LILRA1: variants seen among roughly 807,000 people sequenced by gnomAD.
The protein encoded by LILRA1 is leukocyte immunoglobulin-like receptor subfamily A member 1.
A neutral mutation model predicts 51.6 loss-of-function variants in LILRA1; 51 were observed. The observed-to-expected ratio is 0.99, with a 90% confidence interval of 0.79 to 1.25. The LOEUF (loss-of-function observed/expected upper bound fraction) is 1.25, where lower values mean the gene tolerates loss of function less well. LILRA1 is among the 50% of genes most tolerant of loss of function. The pLI is 0.00. For synonymous variants in LILRA1, 305 were observed against 248.4 expected (o/e 1.23, Z -2.14); for missense variants, 660 against 611.7 (o/e 1.08, Z -0.83).
At chr19:54,600,616 A>T in intron 9 of LILRA1, 66 bp downstream of exon 9, 1 of 1,611,980 alleles carries the variant, frequency 6.2e-7, no homozygotes, top group Non-Finnish European at 8.5e-7. Context: ...AAGGGTAAGG[A>T]GGTGCTCTGG....
Position 54,599,336 on chromosome 19 carries a change from T to G in LILRA1, c.1312+50T>G, listed in dbSNP as rs776413067. 9.1e-6 allele frequency: 14 copies of G among 1,530,450 alleles called. No individual in the cohort carries two copies. In the East Asian group the frequency reaches 3.6e-4, roughly 39 times the overall value. The allele number at this position is 1,530,450 out of a possible 1,614,324, so 94.8% of individuals were successfully genotyped here. ...ATGACGCTGGGCACAGAGGGTCAGG[T>G]CCTGTCAAGGGGAGCTGGGTGTCCT... On this transcript the variant is annotated intron_variant, in intron 8 of 9. Coordinates refer to ENST00000251372, the MANE Select transcript of LILRA1 (RefSeq NM_006863.4).
intron 7 of LILRA1, among the ~76,000 whole-genome samples, chr19:54,597,073 C>T (rs2063074923): frequency 6.6e-6 from 1 of 152,218 alleles, no homozygotes; most frequent in Non-Finnish European, 1.5e-5. Context: ...AAGACAGAGG[C>T]CCCACCTGCT....
chr19:54,593,781 G>A lies in LILRA1; in HGVS notation c.-49G>A, dbSNP rs1402848487. The A allele has an allele frequency of 1.1e-5, 13 of 1,170,794 alleles. No homozygotes were observed. The highest frequency in any genetic ancestry group is 1.5e-5 in the Non-Finnish European group (13 of 860,542). The allele number at this position is 1,170,794 out of a possible 1,614,324, so 72.5% of individuals were successfully genotyped here. A position where few individuals can be genotyped will look rare whatever the true frequency, so the allele number is the denominator to read the frequency against. ...CCAGGGCTGGAGGGACGACTGCCAT[G>A]GTAAGGACCCCACAACGCTGAGCTG... On this transcript the variant is annotated splice_region_variant and 5_prime_UTR_variant, in exon 1 of 10. An upstream start codon of the reference 5' UTR is lost. Coordinates refer to ENST00000251372, the MANE Select transcript of LILRA1 (RefSeq NM_006863.4).
At position 54,594,179 on chromosome 19, in the gene LILRA1, G is replaced by A. The variant is rs1287820131; in HGVS notation, c.-48-18G>A. ...AGGAGGGGAGGCTATTTCTCTCTGTGTGTCTCTGTCCTGCCAGCACCGAGG... is the reference window on the plus strand; with the variant it reads ...AGGAGGGGAGGCTATTTCTCTCTGTATGTCTCTGTCCTGCCAGCACCGAGG... On this transcript the variant is annotated intron_variant, in intron 1 of 9. Transcript: ENST00000251372. 8 of 1,608,746 alleles carry A rather than the reference G, an allele frequency of 5.0e-6. No individual in the cohort carries two copies. Among genetic ancestry groups the A allele is most frequent in the Non-Finnish European group, 6.8e-6 (8 of 1,177,042 alleles).
intron 7 of LILRA1, 66 bp from the exon 8 acceptor site, chr19:54,599,170 C>A: frequency 6.9e-7 from 1 of 1,442,492 alleles, no homozygotes. Flanking sequence ...TATACATAAT[C>A]TTATATAGAA....
chr19:54,595,793 G>T lies in LILRA1; in HGVS notation c.816G>T (p.Gln272His). The change falls in exon 6 of 10, where the codon CAG (glutamine) becomes CAT (histidine). Residue 272 changes from glutamine (Q) to histidine (H), a missense_variant. Coordinates refer to ENST00000251372, the MANE Select transcript of LILRA1 (RefSeq NM_006863.4). ...ERDFLQLPGP[Q>H]PQAGLSQANF... The stretch of plus-strand genomic sequence containing the variant: ...ACTTCCTCCAGCTCCCTGGCCCACA[G>T]CCCCAGGCTGGGCTCTCCCAGGCCA... 6.2e-7 allele frequency: 1 copy of T among 1,614,194 alleles called. No homozygotes were observed. Among genetic ancestry groups the T allele is most frequent in the South Asian group, 1.1e-5 (1 of 91,090 alleles).
chr19:54,595,419 A>C lies in LILRA1; in HGVS notation c.661+17A>C, dbSNP rs1324458049. The C allele has an allele frequency of 5.0e-6, 8 of 1,596,122 alleles. No individual in the cohort carries two copies. Among genetic ancestry groups the C allele is most frequent in the Non-Finnish European group, 6.0e-6 (7 of 1,170,404 alleles). ...TGGTCCTAGGTGAGAAATTCACAGC[A>C]TTGCCTGGAGTTCCCTGAGTCTCCC... On this transcript the variant is annotated intron_variant, in intron 5 of 9. Coordinates refer to ENST00000251372, the MANE Select transcript of LILRA1 (RefSeq NM_006863.4).
In LILRA1 at chr19:54,600,933, A is replaced by T; in HGVS notation, c.*116A>T. 8.9e-7 allele frequency: 1 copy of T among 1,123,340 alleles called. No homozygotes were observed. Among genetic ancestry groups the T allele is most frequent in the Non-Finnish European group, 1.3e-6 (1 of 741,550 alleles). 69.6% of individuals were successfully genotyped at this position (1,123,340 alleles called of 1,614,324 possible). On this transcript the variant is annotated 3_prime_UTR_variant, in exon 10 of 10. Transcript: ENST00000251372. ...CGGGAGACAATTTAGGGCTGATGCTATCTGGACTGTCTGCCAATCATTTTT... is the reference window on the plus strand; with the variant it reads ...CGGGAGACAATTTAGGGCTGATGCTTTCTGGACTGTCTGCCAATCATTTTT...
At chr19:54,596,658 G>A (rs570332374) in intron 7 of LILRA1, among the ~76,000 whole-genome samples, 167 bp downstream of exon 7, 1 of 152,260 alleles carries the variant, frequency 6.6e-6, no homozygotes, top group South Asian at 2.1e-4. Flanking sequence ...AGGAGGCCAG[G>A]AGATCGAGAC....
rs2063164267 is a variant in LILRA1, at chr19:54,601,726, T to C, written c.*909T>C. 1 of 152,236 alleles carries C rather than the reference T, an allele frequency of 6.6e-6. No homozygotes were observed. Among genetic ancestry groups the C allele is most frequent in the Non-Finnish European group, 1.5e-5 (1 of 68,052 alleles). The allele number at this position is 152,236 out of a possible 1,614,324, so 9.4% of individuals were successfully genotyped here. A position where few individuals can be genotyped will look rare whatever the true frequency, so the allele number is the denominator to read the frequency against. ...AGCTGCAGACAAGACCTCAGGTCGATGAATCTTGACAAGCAGTTGAGCTGT... is the reference window on the plus strand; with the variant it reads ...AGCTGCAGACAAGACCTCAGGTCGACGAATCTTGACAAGCAGTTGAGCTGT... On this transcript the variant is annotated 3_prime_UTR_variant, in exon 10 of 10. Coordinates refer to ENST00000251372, the MANE Select transcript of LILRA1 (RefSeq NM_006863.4).
At chr19:54,598,786 C>G (rs573934266) in intron 7 of LILRA1, among the ~76,000 whole-genome samples, 1 of 151,680 alleles carries the variant, frequency 6.6e-6, no homozygotes, top group Non-Finnish European at 1.5e-5. Context: ...TAAATTAGAA[C>G]GAATATAATT....
intron 7 of LILRA1, among the ~76,000 whole-genome samples, chr19:54,598,116 G>A (rs1010132851): frequency 1.3e-5 from 2 of 149,620 alleles, no homozygotes; most frequent in Non-Finnish European, 3.0e-5. Context: ...ATGATTCACA[G>A]CACGTCTCAT....
Position 54,595,230 on chromosome 19 carries a change from A to G in LILRA1, c.489A>G (p.Glu163=). The part of the protein sequence containing the change: ...SFILCKEGED[E]HPQCLNSQPR... ...TTCTGTGTAAGGAAGGAGAAGATGA[A>G]CACCCACAATGCCTGAACTCACAGC... Residue 163 remains glutamate, a synonymous_variant, in exon 5 of 10, where the codon GAA becomes GAG. Coordinates refer to ENST00000251372, the MANE Select transcript of LILRA1 (RefSeq NM_006863.4). 1 of 1,613,986 alleles carries G rather than the reference A, an allele frequency of 6.2e-7. No homozygotes were observed. The highest frequency in any genetic ancestry group is 8.5e-7 in the Non-Finnish European group (1 of 1,179,988).
At position 54,596,462 on chromosome 19, in the gene LILRA1, CCA is replaced by C. The variant is rs1490728235; in HGVS notation, c.1233_1234del (p.Ser412Ter). 5 of 1,614,072 alleles carry C rather than the reference CCA, an allele frequency of 3.1e-6. No homozygotes were observed. The highest frequency in any genetic ancestry group is 2.2e-5 in the East Asian group (1 of 44,892). ...TCCAACCCCTACCTGCTGTCTCACC[CCA>C]GTGACTCCCTGGAGCTCATGGTCTC... On this transcript the variant is annotated frameshift_variant, in exon 7 of 10. Transcript: ENST00000251372. LOFTEE classifies it high-confidence loss of function.
At position 54,595,190 on chromosome 19, in the gene LILRA1, C is replaced by T; in HGVS notation, c.449C>T (p.Ala150Val). The T allele has an allele frequency of 6.2e-7, 1 of 1,614,124 alleles. No individual in the cohort carries two copies. The highest frequency in any genetic ancestry group is 8.5e-7 in the Non-Finnish European group (1 of 1,180,004). ...ACCCTCCATTGTGTCTCACAGGTGG[C>T]ATTTGGCAGCTTCATTCTGTGTAAG... ...NVTLHCVSQV[A>V]FGSFILCKEG... The change falls in exon 5 of 10, where the codon GCA becomes GTA. Residue 150 changes from alanine to valine, a missense_variant. Physicochemically the swap from Ala to Val is moderately conservative, Grantham distance 64. Transcript: ENST00000251372.
chr19:54,597,362 T>C (rs1281098934), intron 7 of LILRA1, among the ~76,000 whole-genome samples: 3 of 152,128 alleles, frequency 2.0e-5, no homozygotes, highest in Non-Finnish European at 1.5e-5. Flanking sequence ...AGGTTCAGCA[T>C]TGATGAGTGG....
intron 8 of LILRA1, chr19:54,599,622 A>C (rs1218562216): frequency 9.9e-7 from 1 of 1,012,836 alleles, no homozygotes; most frequent in Admixed American, 5.0e-5. Context: ...GGGAAATTTT[A>C]CTTCTTTATT....
rs1306562768 is a variant in LILRA1, at chr19:54,600,747, T to C, written c.1400T>C (p.Ile467Thr). 2 of 1,613,984 alleles carry C rather than the reference T, an allele frequency of 1.2e-6. No individual in the cohort carries two copies. The highest frequency in any genetic ancestry group is 1.7e-5 in the Admixed American group (1 of 60,000). ...GTGGAGAATCTCATCCGCATGGGCA[T>C]AGCTGGCTTGGTCCTGGTGGTCCTC... is the stretch of plus-strand genomic sequence containing the variant. ...YTVENLIRMGIAGLVLVVLGI... is the reference protein window; with the variant it reads ...YTVENLIRMGTAGLVLVVLGI... The change falls in exon 10 of 10, where the codon ATA becomes ACA. Residue 467 changes from isoleucine (I) to threonine (T), a missense_variant. Ile to Thr is a moderately conservative substitution (Grantham distance 89). Coordinates refer to ENST00000251372, the MANE Select transcript of LILRA1 (RefSeq NM_006863.4).
rs1231494811 is a variant in LILRA1, at chr19:54,593,691, C to CG, written c.-138dup. On this transcript the variant is annotated 5_prime_UTR_variant, in exon 1 of 10. The change abolishes the stop of an existing upstream ORF in the 5' untranslated region. Coordinates refer to ENST00000251372, the MANE Select transcript of LILRA1 (RefSeq NM_006863.4). Reference sequence around the variant, plus strand: ...TCAACCTGAGCTACACAGCCAGATGCGAGATGCTTCTCTGCTGATCTGAGT... The same window carrying CG: ...TCAACCTGAGCTACACAGCCAGATGCGGAGATGCTTCTCTGCTGATCTGAGT... The CG allele has an allele frequency of 2.1e-6, 1 of 487,056 alleles. No individual in the cohort carries two copies. The highest frequency in any genetic ancestry group is 2.0e-5 in the African/African-American group (1 of 50,374). 30.2% of individuals were successfully genotyped at this position (487,056 alleles called of 1,614,324 possible).
Sources: allele counts gnomAD v4.1 joint callset (sites outside exome capture counted in the v4.1 genomes callset), GRCh38; gene constraint gnomAD v4.1.1; transcripts MANE v1.5; gene names NCBI Gene and HGNC (gene_info 2026-07-23, HGNC 2026-07-21).